PROM1: variants seen among roughly 807,000 people sequenced by gnomAD.
PROM1 encodes prominin-1.
Under a neutral mutation model 116.9 loss-of-function variants are expected in PROM1, and 105 were observed. The ratio of observed to expected loss-of-function variants is 0.90; its 90% CI spans 0.77 to 1.06. PROM1 has a LOEUF of 1.06. Among genes scored for constraint, PROM1 ranks in the 50% least tolerant of loss-of-function variants. The pLI is 0.00. For synonymous variants in PROM1, 393 were observed against 387.0 expected, an observed-to-expected ratio of 1.02 and a Z score of -0.18; for missense variants, 1,122 against 1,045.2, an observed-to-expected ratio of 1.07 and a Z score of -1.01.
At chr4:16,080,306 G>A (rs1744804351) in intron 1 of PROM1, among the ~76,000 whole-genome samples, 1 of 151,916 alleles carries the variant, frequency 6.6e-6, no homozygotes, top group South Asian at 2.1e-4. Flanking sequence ...GGATCACGAG[G>A]TCAGGAGATC....
At chr4:16,014,515 GGTAA>G (rs1428653386) in intron 10 of PROM1, among the ~76,000 whole-genome samples, 3 of 152,120 alleles carry the variant, frequency 2.0e-5, no homozygotes, top group East Asian at 1.9e-4. Context: ...TTACTTTGTC[GGTAA>G]GTAAGTGTCT....
At chr4:16,038,871 G>T in intron 3 of PROM1, 75 bp downstream of exon 3, 1 of 1,359,060 alleles carries the variant, frequency 7.4e-7, no homozygotes, top group Non-Finnish European at 9.7e-7. Context: ...GTTATTTAAA[G>T]ATTTACTTTC....
chr4:16,080,102 G>A (rs1744752637), intron 1 of PROM1: 1 of 151,616 alleles, frequency 6.6e-6, no homozygotes, highest in Non-Finnish European at 1.5e-5. Context: ...TGAAGCAGGA[G>A]GATTACTTGA....
chr4:16,007,128 A>G (rs1367521250), intron 12 of PROM1, among the ~76,000 whole-genome samples: 4 of 152,246 alleles, frequency 2.6e-5, no homozygotes, highest in Non-Finnish European at 5.9e-5. Context: ...GACTACAGAT[A>G]AAGAAATACT....
intron 10 of PROM1, among the ~76,000 whole-genome samples, chr4:16,015,950 G>A (rs993734224): frequency 2.0e-5 from 3 of 152,030 alleles, no homozygotes; most frequent in African/African-American, 7.2e-5. Flanking sequence ...ATCTCTCATG[G>A]TCTTAGCATG....
At chr4:15,970,907 A>G in intron 27 of PROM1, 136 bp downstream of exon 27, 2 of 665,070 alleles carry the variant, frequency 3.0e-6, no homozygotes, top group East Asian at 5.6e-5. Flanking sequence ...CTGGACATAT[A>G]AAATATCTTG....
At chr4:16,026,567 T>C (rs2149350137) in intron 5 of PROM1, among the ~76,000 whole-genome samples, 2 of 152,308 alleles carry the variant, frequency 1.3e-5, no homozygotes, top group South Asian at 2.1e-4. Context: ...CTTGAGGCTT[T>C]ATCGTGCATA....
chr4:15,987,434 A>C (rs1225628810), intron 20 of PROM1, among the ~76,000 whole-genome samples: 1 of 152,236 alleles, frequency 6.6e-6, no homozygotes, highest in Admixed American at 6.5e-5. Flanking sequence ...TACACATCAA[A>C]ACATAGATTT....
intron 2 of PROM1, among the ~76,000 whole-genome samples, chr4:16,052,026 C>T (rs1270749432): frequency 6.6e-6 from 1 of 152,198 alleles, no homozygotes; most frequent in Non-Finnish European, 1.5e-5. Context: ...CAAAGGCTAC[C>T]TTCTTTCAAT....
At chr4:15,996,181 A>G (rs1313825845) in intron 15 of PROM1, among the ~76,000 whole-genome samples, 1 of 152,208 alleles carries the variant, frequency 6.6e-6, no homozygotes, top group Non-Finnish European at 1.5e-5. Flanking sequence ...AATTACCACT[A>G]TTACCACTTA....
At chr4:15,995,615 T>A (rs1158896237) in intron 15 of PROM1, among the ~76,000 whole-genome samples, 1 of 152,140 alleles carries the variant, frequency 6.6e-6, no homozygotes, top group Non-Finnish European at 1.5e-5. Flanking sequence ...GTGGGATTTT[T>A]AAAAGCTCCC....
At chr4:15,998,596 CAT>C in intron 14 of PROM1, 108 bp from the exon 15 acceptor site, 1 of 1,188,232 alleles carries the variant, frequency 8.4e-7, no homozygotes, top group African/African-American at 1.6e-5. Flanking sequence ...TTTTTCATAA[CAT>C]TATTTTTCTG....
intron 1 of PROM1, among the ~76,000 whole-genome samples, chr4:16,077,069 C>G (rs1282348255): frequency 6.6e-6 from 1 of 152,202 alleles, no homozygotes; most frequent in Non-Finnish European, 1.5e-5. Flanking sequence ...GACTGTCCCC[C>G]AGCCCGACAC....
chr4:16,044,662 ATATT>A (rs1259554359), intron 2 of PROM1, among the ~76,000 whole-genome samples: 4 of 152,272 alleles, frequency 2.6e-5, no homozygotes, highest in African/African-American at 4.8e-5. Context: ...GAATAAAATA[ATATT>A]CAATTTAGAG....
rs533043761 is a variant in PROM1, at chr4:16,067,569, A to G, written c.220+8118T>C. 2.3e-3 allele frequency among the ~76,000 whole-genome samples: 351 copies of G among 152,300 alleles called. 2 individuals carry two copies. The highest frequency in any genetic ancestry group is 2.8e-3 in the Non-Finnish European group (190 of 68,028). On this transcript the variant is annotated intron_variant, in intron 2 of 27. Coordinates refer to ENST00000447510, the MANE Select transcript of PROM1 (RefSeq NM_006017.3). ...TAAGTTGCCCAGCAGAGTGACTGAC[A>G]TGGAGGAGGAAGGATCAATAGATAT...
chr4:16,042,405 C>G (rs1369663853), intron 2 of PROM1, among the ~76,000 whole-genome samples: 2 of 152,028 alleles, frequency 1.3e-5, no homozygotes, highest in Non-Finnish European at 2.9e-5. Context: ...GTCACAAAAG[C>G]CTGCGTGGAA....
chr4:15,983,211 G>A (rs1434338219), intron 23 of PROM1, among the ~76,000 whole-genome samples: 1 of 152,184 alleles, frequency 6.6e-6, no homozygotes, highest in African/African-American at 2.4e-5. Flanking sequence ...GATCAGAAAA[G>A]GCTTCCTGGA....
intron 27 of PROM1, among the ~76,000 whole-genome samples, chr4:15,970,555 T>C (rs75748294): frequency 0.049 from 7,450 of 152,030 alleles, 293 homozygotes; most frequent in East Asian, 0.21. Flanking sequence ...TCACTGTGTG[T>C]GTGTATATAT....
chr4:15,980,920 T>C (rs1389302479), intron 23 of PROM1, among the ~76,000 whole-genome samples: 1 of 149,504 alleles, frequency 6.7e-6, no homozygotes, highest in Non-Finnish European at 1.5e-5. Context: ...GCCAGCAGGT[T>C]TGAGTTTCAG....
Sources: allele counts gnomAD v4.1 joint callset (sites outside exome capture counted in the v4.1 genomes callset), GRCh38; gene constraint gnomAD v4.1.1; transcripts MANE v1.5; gene names NCBI Gene and HGNC (gene_info 2026-07-23, HGNC 2026-07-21).